The following PRKD3 variants were observed in gnomAD, a reference collection of about 807,000 sequenced individuals.
PRKD3 encodes the protein serine/threonine-protein kinase D3.
A neutral mutation model predicts 99.2 loss-of-function variants in PRKD3; 47 were observed. The observed-to-expected ratio is 0.47, with a 90% CI of 0.38 to 0.60. The LOEUF (loss-of-function observed/expected upper bound fraction) is 0.60, where lower values mean the gene tolerates loss of function less well. PRKD3 is among the 20% of genes least tolerant of loss of function. The probability of loss-of-function intolerance (pLI) is 0.00; values close to 1 mark genes in which losing one functional copy is unlikely to be tolerated. For synonymous variants in PRKD3, 392 were observed against 355.4 expected (o/e 1.10, Z -1.16); for missense variants, 1,019 against 1,088.4 (o/e 0.94, Z 0.90).
At chr2:37,305,594 G>C (rs1049431702) in intron 2 of PRKD3, among the ~76,000 whole-genome samples, 2 of 152,220 alleles carry the variant, frequency 1.3e-5, no homozygotes, top group Non-Finnish European at 2.9e-5. Context: ...ACTTGCTACA[G>C]ACTCTTAATT....
chr2:37,300,729 A>T (rs1022019138), intron 2 of PRKD3, among the ~76,000 whole-genome samples: 1 of 152,228 alleles, frequency 6.6e-6, no homozygotes, highest in African/African-American at 2.4e-5. Context: ...TAGCTATTCC[A>T]ATCTCTTGTG....
chr2:37,274,761 T>C (rs1669475795), intron 10 of PRKD3, 64 bp from the exon 11 acceptor site: 1 of 1,436,904 alleles, frequency 7.0e-7, no homozygotes, highest in African/African-American at 1.4e-5. Context: ...TTAAATACAC[T>C]AAAGAACCAG....
chr2:37,293,028 T>G, intron 3 of PRKD3, 105 bp downstream of exon 3: 1 of 1,194,836 alleles, frequency 8.4e-7, no homozygotes, highest in African/African-American at 1.5e-5. Context: ...AGAAATTAAG[T>G]AACAATAATA....
intron 1 of PRKD3, among the ~76,000 whole-genome samples, chr2:37,323,554 G>C (rs1394813901): frequency 6.6e-6 from 1 of 151,998 alleles, no homozygotes; most frequent in Non-Finnish European, 1.5e-5. Context: ...GCAAGGGTTC[G>C]TTGACAAGGA....
intron 16 of PRKD3, among the ~76,000 whole-genome samples, chr2:37,258,821 G>C (rs1315254309): frequency 6.6e-6 from 1 of 152,146 alleles, no homozygotes; most frequent in African/African-American, 2.4e-5. Context: ...ACACCTATCT[G>C]TTGTCCTTAG....
chr2:37,316,810 C>A lies in PRKD3; in HGVS notation c.-286G>T. ...GGATTTAACATCACTGAGCTATCCT[C>A]AGCAGGATAGAGTTGACGTAGCTTA... On this transcript the variant is annotated 5_prime_UTR_variant, in exon 2 of 19. Coordinates refer to ENST00000234179, the MANE Select transcript of PRKD3 (RefSeq NM_005813.6). 8.2e-7 allele frequency: 1 copy of A among 1,225,174 alleles called. No individual in the cohort carries two copies. The highest frequency in any genetic ancestry group is 1.0e-6 in the Non-Finnish European group (1 of 980,118). The allele number at this position is 1,225,174 out of a possible 1,614,324, so 75.9% of individuals were successfully genotyped here. A position where few individuals can be genotyped will look rare whatever the true frequency, so the allele number is the denominator to read the frequency against.
intron 1 of PRKD3, among the ~76,000 whole-genome samples, chr2:37,319,333 G>A (rs936316282): frequency 2.0e-5 from 3 of 152,166 alleles, no homozygotes; most frequent in Non-Finnish European, 4.4e-5. Context: ...GATGAGGAAA[G>A]TCTTTACGGA....
chr2:37,259,283 C>T (rs942168953), intron 16 of PRKD3, among the ~76,000 whole-genome samples: 1 of 152,178 alleles, frequency 6.6e-6, no homozygotes, highest in South Asian at 2.1e-4. Flanking sequence ...GGTATTTATC[C>T]TAAGTACCAT....
intron 14 of PRKD3, among the ~76,000 whole-genome samples, chr2:37,260,813 TTATC>T (rs1419919939): frequency 1.3e-5 from 2 of 152,212 alleles, no homozygotes; most frequent in African/African-American, 4.8e-5. Flanking sequence ...AGGTAGTTAT[TTATC>T]TAAGTCTTGA....
At chr2:37,276,824 A>G (rs1173852710) in intron 9 of PRKD3, among the ~76,000 whole-genome samples, 1 of 145,416 alleles carries the variant, frequency 6.9e-6, no homozygotes, top group African/African-American at 2.7e-5. Flanking sequence ...ATATATACAT[A>G]TATATTCATA....
chr2:37,260,174 A>T, intron 15 of PRKD3, 49 bp downstream of exon 15: 1 of 1,517,224 alleles, frequency 6.6e-7, no homozygotes, highest in South Asian at 1.2e-5. Flanking sequence ...TAAAAAAAAA[A>T]AAATTAGTTT....
At position 37,317,170 on chromosome 2, in the gene PRKD3, T is replaced by A. The variant is rs542981007; in HGVS notation, c.-646A>T. The A allele has an allele frequency of 1.0e-6, 1 of 983,014 alleles. No individual in the cohort carries two copies. The highest frequency in any genetic ancestry group is 1.1e-4 in the East Asian group (1 of 8,808). 60.9% of individuals were successfully genotyped at this position (983,014 alleles called of 1,614,324 possible). A position where few individuals can be genotyped will look rare whatever the true frequency, so the allele number is the denominator to read the frequency against. On this transcript the variant is annotated 5_prime_UTR_variant, in exon 2 of 19. The change abolishes an upstream ATG in the 5' untranslated region. Coordinates refer to ENST00000234179, the MANE Select transcript of PRKD3 (RefSeq NM_005813.6). Reference sequence around the variant, plus strand: ...CGAGAAAAGCTGATGCTTTCTGACATATAGTTAGCCTGGAAGGAAATTTTT... The same window carrying A: ...CGAGAAAAGCTGATGCTTTCTGACAAATAGTTAGCCTGGAAGGAAATTTTT...
intron 1 of PRKD3, among the ~76,000 whole-genome samples, chr2:37,323,308 C>T (rs1671962176): frequency 6.6e-6 from 1 of 151,086 alleles, no homozygotes; most frequent in Non-Finnish European, 1.5e-5. Flanking sequence ...ACCTGAGTCA[C>T]CCTGAAATGT....
At chr2:37,273,035 A>T (rs1311462472) in intron 11 of PRKD3, among the ~76,000 whole-genome samples, 12 of 152,136 alleles carry the variant, frequency 7.9e-5, no homozygotes. Context: ...AGCAGTGCTT[A>T]AATTAAAAAC....
intron 2 of PRKD3, among the ~76,000 whole-genome samples, chr2:37,315,258 A>G (rs1476504449): frequency 2.6e-5 from 4 of 152,232 alleles, no homozygotes; most frequent in Non-Finnish European, 5.9e-5. Context: ...AGCCTCATCC[A>G]TCAAATCGGG....
At chr2:37,314,635 G>A (rs868143340) in intron 2 of PRKD3, among the ~76,000 whole-genome samples, 1 of 151,944 alleles carries the variant, frequency 6.6e-6, no homozygotes, top group South Asian at 2.1e-4. Flanking sequence ...TTAAAAAACT[G>A]TGCAAAAAAT....
intron 1 of PRKD3, among the ~76,000 whole-genome samples, chr2:37,319,687 CCTT>C (rs201035916): frequency 0.022 from 3,416 of 152,144 alleles, 58 homozygotes; most frequent in Middle Eastern, 0.051. Flanking sequence ...TCTGTATACT[CCTT>C]GTTACTCAGC....
chr2:37,256,085 G>A (rs773862256), intron 17 of PRKD3, among the ~76,000 whole-genome samples: 1 of 152,092 alleles, frequency 6.6e-6, no homozygotes, highest in Non-Finnish European at 1.5e-5. Flanking sequence ...TAGAGGAGTA[G>A]TCAGGGAACT....
At chr2:37,274,741 G>C in intron 10 of PRKD3, 44 bp from the exon 11 acceptor site, 1 of 1,543,040 alleles carries the variant, frequency 6.5e-7, no homozygotes, top group Middle Eastern at 1.7e-4. Context: ...ATAGATCTTT[G>C]TTTTTATTTT....
Sources: allele counts gnomAD v4.1 joint callset (sites outside exome capture counted in the v4.1 genomes callset), GRCh38; gene constraint gnomAD v4.1.1; transcripts MANE v1.5; gene names NCBI Gene and HGNC (gene_info 2026-07-23, HGNC 2026-07-21).